The following TOM1L2 variants were observed in gnomAD, a reference collection of about 807,000 sequenced individuals.
TOM1L2 encodes target of myb1 like 2 membrane trafficking protein, also known as TOM1-like protein 2.
In TOM1L2, 31 loss-of-function variants were observed where a neutral mutation model predicts 67.9. The ratio of observed to expected loss-of-function variants is 0.46; its 90% CI spans 0.34 to 0.62. The LOEUF (loss-of-function observed/expected upper bound fraction) is 0.62, where lower values mean the gene tolerates loss of function less well. Among genes scored for constraint, TOM1L2 ranks in the 20% least tolerant of loss-of-function variants. The pLI is 0.01. For missense variants in TOM1L2, 606 were observed against 663.5 expected (o/e 0.91, Z 0.95); for synonymous variants, 256 against 254.0 (o/e 1.01, Z -0.07).
chr17:17,853,705 T>G (rs900461927), intron 12 of TOM1L2, among the ~76,000 whole-genome samples: 2 of 152,198 alleles, frequency 1.3e-5, no homozygotes, highest in African/African-American at 4.8e-5. Flanking sequence ...ATCTGGGCCC[T>G]CACACTCACT....
intron 1 of TOM1L2, among the ~76,000 whole-genome samples, chr17:17,923,087 C>T (rs2039944129): frequency 6.6e-6 from 1 of 152,204 alleles, no homozygotes; most frequent in South Asian, 2.1e-4. Flanking sequence ...AGGGCTCATA[C>T]CTGCTGTGCT....
At chr17:17,903,662 CATGGAG>C (rs1312101860) in intron 2 of TOM1L2, among the ~76,000 whole-genome samples, 1 of 151,710 alleles carries the variant, frequency 6.6e-6, no homozygotes, top group Non-Finnish European at 1.5e-5. Context: ...ATCCTGTCCT[CATGGAG>C]ATCACAGCCT....
At position 17,960,534 on chromosome 17, in the gene TOM1L2, C is replaced by T. The variant is rs140588105; in HGVS notation, c.52+11728G>A. 1.5e-3 allele frequency among the ~76,000 whole-genome samples: 233 copies of T among 152,246 alleles called. 1 individual carries two copies. The highest frequency in any genetic ancestry group is 5.2e-3 in the African/African-American group (216 of 41,558). On this transcript the variant is annotated intron_variant, in intron 1 of 14. Transcript: ENST00000379504. ...GTATTTTTTTGTAGAGACGGAATTT[C>T]GCCATGTTGCCCAGACTGGTCTCGA...
intron 7 of TOM1L2, among the ~76,000 whole-genome samples, chr17:17,876,592 C>T (rs929027372): frequency 3.3e-5 from 5 of 152,218 alleles, no homozygotes; most frequent in Admixed American, 1.3e-4. Flanking sequence ...ACAATAGTCA[C>T]GAAAGCTAGG....
At chr17:17,907,386 C>CG in intron 2 of TOM1L2, 61 bp downstream of exon 2, 1 of 1,512,024 alleles carries the variant, frequency 6.6e-7, no homozygotes, top group Non-Finnish European at 9.1e-7. Context: ...TAGGCCCTGA[C>CG]AAGCTTTGAG....
At chr17:17,895,319 A>G (rs4925126) in intron 3 of TOM1L2, among the ~76,000 whole-genome samples, 84,121 of 152,034 alleles carry the variant, frequency 0.55, 24,152 homozygotes, top group Non-Finnish European at 0.61. Context: ...GACTACCTCA[A>G]TTATTCTCAT....
At chr17:17,958,321 T>C (rs907740355) in intron 1 of TOM1L2, among the ~76,000 whole-genome samples, 1 of 152,088 alleles carries the variant, frequency 6.6e-6, no homozygotes, top group Non-Finnish European at 1.5e-5. Flanking sequence ...TAGCCTGGGA[T>C]TGGTTTCTCT....
At chr17:17,931,961 T>A (rs1188384983) in intron 1 of TOM1L2, among the ~76,000 whole-genome samples, 1 of 152,228 alleles carries the variant, frequency 6.6e-6, no homozygotes, top group Non-Finnish European at 1.5e-5. Context: ...GGAGCTGGTG[T>A]GTGTTTAATT....
At chr17:17,970,397 C>T (rs1016504374) in intron 1 of TOM1L2, among the ~76,000 whole-genome samples, 1 of 152,176 alleles carries the variant, frequency 6.6e-6, no homozygotes, top group African/African-American at 2.4e-5. Flanking sequence ...TAACTTCTAC[C>T]CCTCATTTAC....
chr17:17,847,541 C>A lies in TOM1L2; in HGVS notation c.*94G>T. On this transcript the variant is annotated 3_prime_UTR_variant, in exon 15 of 15. Transcript: ENST00000379504. The stretch of plus-strand genomic sequence containing the variant: ...TCCATGGAAACACAGGTGTGCAGGC[C>A]GTGTGGAGCTGGGGATGTAGGAGTG... The A allele has an allele frequency of 6.8e-7, 1 of 1,473,862 alleles. No homozygotes were observed. Among genetic ancestry groups the A allele is most frequent in the Non-Finnish European group, 9.1e-7 (1 of 1,103,136 alleles). The allele number at this position is 1,473,862 out of a possible 1,614,324, so 91.3% of individuals were successfully genotyped here. A position where few individuals can be genotyped will look rare whatever the true frequency, so the allele number is the denominator to read the frequency against.
At chr17:17,852,142 A>G (rs761971210) in intron 12 of TOM1L2, among the ~76,000 whole-genome samples, 3 of 152,166 alleles carry the variant, frequency 2.0e-5, no homozygotes, top group Admixed American at 6.5e-5. Flanking sequence ...GGCTTCACCC[A>G]ATGCCATGAT....
In TOM1L2 at chr17:17,844,074, C is replaced by T. The variant is rs1178739300; in HGVS notation, c.*3561G>A. 6.6e-6 allele frequency: 1 copy of T among 152,570 alleles called. No individual in the cohort carries two copies. 9.5% of individuals were successfully genotyped at this position (152,570 alleles called of 1,614,324 possible). ...CCAAAGCCGACAGTGCAGAAGCTCCCAGGGACCACTCCAGCAGTGCCAGAG... is the reference window on the plus strand; with the variant it reads ...CCAAAGCCGACAGTGCAGAAGCTCCTAGGGACCACTCCAGCAGTGCCAGAG... On this transcript the variant is annotated 3_prime_UTR_variant, in exon 15 of 15. Transcript: ENST00000379504.
At chr17:17,950,611 T>C (rs2144891318) in intron 1 of TOM1L2, among the ~76,000 whole-genome samples, 1 of 152,284 alleles carries the variant, frequency 6.6e-6, no homozygotes, top group Non-Finnish European at 1.5e-5. Flanking sequence ...GCGGGGAGCC[T>C]TAGGCAGACA....
chr17:17,910,212 C>T (rs2039284188), intron 1 of TOM1L2, among the ~76,000 whole-genome samples: 1 of 152,054 alleles, frequency 6.6e-6, no homozygotes, highest in Admixed American at 6.6e-5. Flanking sequence ...ACCCGGGGCC[C>T]GCAGAAGAAA....
intron 1 of TOM1L2, among the ~76,000 whole-genome samples, chr17:17,963,528 T>C (rs535431572): frequency 3.9e-4 from 59 of 152,316 alleles, no homozygotes; most frequent in African/African-American, 1.4e-3. Flanking sequence ...TCTCTATTTC[T>C]TCACCTGTAA....
rs1378246708 is a variant in TOM1L2 at position 17,847,764 on chromosome 17, T to G, written c.1395A>C (p.Glu465Asp). The part of the protein sequence containing the change: ...VTSEEFDKFL[E>D]ERAKAAEMVP... ...CCATTTCAGCAGCTTTGGCTCTTTCTTCAAGGAATTTATCAAACTCTGCAA... is the reference window on the plus strand; with the variant it reads ...CCATTTCAGCAGCTTTGGCTCTTTCGTCAAGGAATTTATCAAACTCTGCAA... The change falls in exon 15 of 15, where the codon GAA becomes GAC. Residue 465 changes from glutamate (E) to aspartate (D), a missense_variant. Coordinates refer to ENST00000379504, the MANE Select transcript of TOM1L2 (RefSeq NM_001082968.2). The G allele has an allele frequency of 1.2e-6, 2 of 1,614,066 alleles. No homozygotes were observed. The highest frequency in any genetic ancestry group is 2.2e-5 in the South Asian group (2 of 91,082).
chr17:17,901,334 T>C (rs1160717587), intron 2 of TOM1L2, among the ~76,000 whole-genome samples: 1 of 152,016 alleles, frequency 6.6e-6, no homozygotes, highest in African/African-American at 2.4e-5. Flanking sequence ...AAAGAAAGGA[T>C]CAGGAAGAAT....
intron 12 of TOM1L2, among the ~76,000 whole-genome samples, chr17:17,854,049 G>A (rs1568056455): frequency 6.6e-6 from 1 of 152,336 alleles, no homozygotes; most frequent in East Asian, 1.9e-4. Context: ...GTGAACCATG[G>A]TGGAGCAGGG....
intron 10 of TOM1L2, among the ~76,000 whole-genome samples, chr17:17,864,450 T>G (rs1040127472): frequency 6.6e-6 from 1 of 151,808 alleles, no homozygotes; most frequent in Non-Finnish European, 1.5e-5. Flanking sequence ...GACCTTGTGA[T>G]CCACCCGCCT....
Sources: allele counts gnomAD v4.1 joint callset (sites outside exome capture counted in the v4.1 genomes callset), GRCh38; gene constraint gnomAD v4.1.1; transcripts MANE v1.5; gene names NCBI Gene and HGNC (gene_info 2026-07-23, HGNC 2026-07-21).